Variants in NBAS observed in about 807,000 individuals in gnomAD.
The protein encoded by NBAS is NAG/BC035112 fusion.
In NBAS, 219 loss-of-function variants were observed where a neutral mutation model predicts 302.5. The ratio of observed to expected loss-of-function variants is 0.72; its 90% CI spans 0.65 to 0.81. NBAS has a LOEUF of 0.81. Ranked by LOEUF, NBAS falls within the 30% of genes least tolerant of loss-of-function variation. NBAS has a pLI of 0.00. For synonymous variants in NBAS, 1,118 were observed against 1,021.6 expected, an observed-to-expected ratio of 1.09 and a Z score of -1.80; for missense variants, 2,932 against 2,841.6, an observed-to-expected ratio of 1.03 and a Z score of -0.72.
the NBAS span, among the ~76,000 whole-genome samples, chr2:14,848,271 G>A: frequency 7.4e-5 from 11 of 149,508 alleles, no homozygotes; most frequent in South Asian, 6.2e-4. Flanking sequence ...CCTGGGAAGC[G>A]CAAGGGGTCA....
At chr2:15,085,743 T>C in the NBAS span, among the ~76,000 whole-genome samples, 1 of 152,114 alleles carries the variant, frequency 6.6e-6, no homozygotes, top group Admixed American at 6.5e-5. Context: ...TCCCACTACC[T>C]GGCTTCTCCC....
the NBAS span, among the ~76,000 whole-genome samples, chr2:14,918,493 G>A: frequency 4.1e-4 from 62 of 152,278 alleles, no homozygotes; most frequent in East Asian, 9.9e-3. Flanking sequence ...AAAAAGAGAA[G>A]TACTGCAGGC....
At chr2:15,415,776 T>C in intron 24 of NBAS, 57 bp from the exon 25 acceptor site, 10 of 1,578,676 alleles carry the variant, frequency 6.3e-6, no homozygotes, top group Non-Finnish European at 7.8e-6. Flanking sequence ...CTAAATGCCT[T>C]ATTATATCAG....
At chr2:15,513,143 T>C (rs1662221769) in intron 9 of NBAS, among the ~76,000 whole-genome samples, 1 of 152,252 alleles carries the variant, frequency 6.6e-6, no homozygotes, top group Admixed American at 6.5e-5. Flanking sequence ...TCAAATGCAC[T>C]TTCTTCACAG....
rs934059355 is a variant in NBAS at position 15,218,827 on chromosome 2, G to A, written c.6378C>T (p.Leu2126=). ...TGGCTTCAGTTCTAAAGAACACGAGGAGCTTGCTGTCCTCCTCAGTCAGGT... is the reference window on the plus strand; with the variant it reads ...TGGCTTCAGTTCTAAAGAACACGAGAAGCTTGCTGTCCTCCTCAGTCAGGT... ...SFHLTEEDSK[L]LVFFRTEAIL... The change falls in exon 48 of 52, where the codon CTC becomes CTT. Residue 2126 remains leucine, a synonymous_variant. Coordinates refer to ENST00000281513, the MANE Select transcript of NBAS (RefSeq NM_015909.4). 8.1e-6 allele frequency: 13 copies of A among 1,614,140 alleles called. No individual in the cohort carries two copies. Among genetic ancestry groups the A allele is most frequent in the Non-Finnish European group, 1.1e-5 (13 of 1,180,054 alleles).
At chr2:15,229,804 A>G (rs183708112) in intron 47 of NBAS, among the ~76,000 whole-genome samples, 32 of 152,192 alleles carry the variant, frequency 2.1e-4, no homozygotes, top group Admixed American at 8.5e-4. Context: ...GAAAAGAAAA[A>G]AAAAGAGGAC....
intron 40 of NBAS, among the ~76,000 whole-genome samples, chr2:15,297,315 G>A (rs1011563314): frequency 5.3e-5 from 8 of 152,162 alleles, no homozygotes; most frequent in African/African-American, 1.7e-4. Flanking sequence ...CTCTTGATTG[G>A]ACCAATGTAG....
the NBAS span, among the ~76,000 whole-genome samples, chr2:14,817,573 G>A: frequency 6.6e-6 from 1 of 152,136 alleles, no homozygotes; most frequent in African/African-American, 2.4e-5. Flanking sequence ...AAATAAATTT[G>A]TGCATAAATA....
At chr2:15,144,162 G>A in the NBAS span, among the ~76,000 whole-genome samples, 1 of 150,640 alleles carries the variant, frequency 6.6e-6, no homozygotes, top group African/African-American at 2.5e-5. Context: ...CCCACCCACG[G>A]TCCCTCCCCA....
chr2:15,167,515 T>C (rs1340413174), intron 51 of NBAS, among the ~76,000 whole-genome samples, 192 bp from the exon 52 acceptor site: 1 of 152,120 alleles, frequency 6.6e-6, no homozygotes, highest in East Asian at 1.9e-4. Context: ...CCTCTTAACA[T>C]AAGAAGACAC....
chr2:15,086,307 C>T, the NBAS span, among the ~76,000 whole-genome samples: 21 of 152,234 alleles, frequency 1.4e-4, no homozygotes, highest in African/African-American at 4.6e-4. Flanking sequence ...GCTGAACACT[C>T]GGGATACCCT....
At chr2:15,059,826 C>T in the NBAS span, among the ~76,000 whole-genome samples, 1 of 151,974 alleles carries the variant, frequency 6.6e-6, no homozygotes, top group Non-Finnish European at 1.5e-5. Flanking sequence ...GAGATTTCAG[C>T]TCAGCATAAA....
At chr2:15,018,352 CCTGATCA>C in the NBAS span, among the ~76,000 whole-genome samples, 1 of 151,964 alleles carries the variant, frequency 6.6e-6, no homozygotes, top group South Asian at 2.1e-4. Flanking sequence ...TGCTAATTAT[CCTGATCA>C]CTGTACCTTA....
rs1327303935 is a variant in NBAS at position 15,461,799 on chromosome 2, G to A, written c.2098-8C>T. On this transcript the variant is annotated splice_region_variant and splice_polypyrimidine_tract_variant and intron_variant, in intron 19 of 51. Coordinates refer to ENST00000281513, the MANE Select transcript of NBAS (RefSeq NM_015909.4). The stretch of plus-strand genomic sequence containing the variant: ...AGGCACTCCTAGGATTTCCTGAGGG[G>A]AAATTTAATGAAAAGTGATTTAATG... 6 of 1,468,182 alleles carry A rather than the reference G, an allele frequency of 4.1e-6. No individual in the cohort carries two copies. The highest frequency in any genetic ancestry group is 5.7e-6 in the Non-Finnish European group (6 of 1,049,994). The allele number at this position is 1,468,182 out of a possible 1,614,324, so 90.9% of individuals were successfully genotyped here.
the NBAS span, among the ~76,000 whole-genome samples, chr2:14,913,252 G>T: frequency 4.6e-5 from 7 of 152,174 alleles, no homozygotes; most frequent in Non-Finnish European, 5.9e-5. Context: ...CAGACCACAG[G>T]CCTGTGCTGT....
downstream of NBAS, among the ~76,000 whole-genome samples, chr2:15,165,010 C>G (rs1038433119): frequency 8.5e-5 from 13 of 152,182 alleles, no homozygotes; most frequent in Non-Finnish European, 8.8e-5. Flanking sequence ...TGCAGTCACT[C>G]CAGCCCTCTG....
chr2:15,310,009 A>C (rs1247576831), intron 38 of NBAS, among the ~76,000 whole-genome samples: 2 of 152,240 alleles, frequency 1.3e-5, no homozygotes, highest in African/African-American at 4.8e-5. Context: ...TAAAAAACAC[A>C]GATGCTCATG....
chr2:15,233,481 A>G (rs1227122051), intron 46 of NBAS, among the ~76,000 whole-genome samples: 3 of 152,226 alleles, frequency 2.0e-5, no homozygotes, highest in Non-Finnish European at 4.4e-5. Context: ...TTCAAAATGC[A>G]TATTTTTGTG....
At chr2:14,807,900 C>T in the NBAS span, among the ~76,000 whole-genome samples, 3 of 152,108 alleles carry the variant, frequency 2.0e-5, no homozygotes, top group African/African-American at 7.2e-5. Context: ...TGCTCTCTTG[C>T]TATCCCTCTC....
Sources: allele counts gnomAD v4.1 joint callset (sites outside exome capture counted in the v4.1 genomes callset), GRCh38; gene constraint gnomAD v4.1.1; transcripts MANE v1.5; gene names NCBI Gene and HGNC (gene_info 2026-07-23, HGNC 2026-07-21).